ADAM7: variants seen among roughly 807,000 people sequenced by gnomAD.
The protein encoded by ADAM7 is disintegrin and metalloproteinase domain-containing protein 7.
In ADAM7, 97 loss-of-function variants were observed where a neutral mutation model predicts 102.9. The ratio of observed to expected loss-of-function variants is 0.94; its 90% CI spans 0.80 to 1.12. ADAM7 has a LOEUF of 1.12. ADAM7 is among the 50% of genes most tolerant of loss of function. The pLI, the probability that ADAM7 is intolerant of heterozygous loss-of-function variation, is 0.00. For missense variants in ADAM7, 991 were observed against 908.7 expected (o/e 1.09, Z -1.16); for synonymous variants, 334 against 304.4 (o/e 1.10, Z -1.01).
In ADAM7 at chr8:24,442,539, A is replaced by G. The variant is rs1464703820; in HGVS notation, c.119A>G (p.Lys40Arg). The G allele has an allele frequency of 6.2e-7, 1 of 1,614,026 alleles. No individual in the cohort carries two copies. The highest frequency in any genetic ancestry group is 8.5e-7 in the Non-Finnish European group (1 of 1,180,010). The change falls in exon 2 of 22, where the codon AAG (lysine) becomes AGG (arginine). Residue 40 changes from lysine to arginine, a missense_variant. Coordinates refer to ENST00000175238, the MANE Select transcript of ADAM7 (RefSeq NM_003817.4). ...VRPKKLPLIQ[K>R]RDTGHTHDDD... The stretch of plus-strand genomic sequence containing the variant: ...CCTAAAAAGCTTCCTCTGATACAGA[A>G]GCGAGATACTGGACACACCCATGAT...
intron 9 of ADAM7, among the ~76,000 whole-genome samples, chr8:24,484,271 A>G (rs1187267254): frequency 6.6e-6 from 1 of 152,218 alleles, no homozygotes. Flanking sequence ...CTTAATCAAA[A>G]AAGGTAAAGA....
rs1421692863 is a variant in ADAM7, at chr8:24,489,231, A to C, written c.1164A>C (p.Thr388=). 1 of 1,613,704 alleles carries C rather than the reference A, an allele frequency of 6.2e-7. No homozygotes were observed. The highest frequency in any genetic ancestry group is 2.2e-5 in the East Asian group (1 of 44,860). The change falls in exon 12 of 22, where the codon ACA becomes ACC. Residue 388 remains threonine (T), a synonymous_variant. Coordinates refer to ENST00000175238, the MANE Select transcript of ADAM7 (RefSeq NM_003817.4). ...AGTACTTGAAGGATTATAAGCCAAC[A>C]TGCATGCTCAACATTCCATTTCCTT... ...YHQYLKDYKP[T]CMLNIPFPYN...
intron 16 of ADAM7, among the ~76,000 whole-genome samples, chr8:24,494,392 C>T (rs1820483578): frequency 1.3e-5 from 2 of 152,246 alleles, no homozygotes; most frequent in African/African-American, 4.8e-5. Context: ...AAGTGTGAAG[C>T]CTGAGGTTGA....
At chr8:24,454,789 C>T (rs1012962273) in intron 3 of ADAM7, among the ~76,000 whole-genome samples, 3 of 152,044 alleles carry the variant, frequency 2.0e-5, no homozygotes, top group Non-Finnish European at 2.9e-5. Context: ...TCCTATTCGT[C>T]CATCTTGGCT....
chr8:24,482,476 C>T (rs1017739247), intron 9 of ADAM7, among the ~76,000 whole-genome samples, 165 bp downstream of exon 9: 3 of 152,008 alleles, frequency 2.0e-5, no homozygotes, highest in East Asian at 1.9e-4. Context: ...AGCAAGGAAC[C>T]GTAGCATATA....
rs116003492 is a variant in ADAM7, at chr8:24,499,120, A to C, written c.1843-116A>C. The stretch of plus-strand genomic sequence containing the variant: ...CTTATAATTAAATCATGTAAATTGA[A>C]ATTTTTCATATGTAAATTACATGCA... On this transcript the variant is annotated intron_variant, in intron 16 of 21. Transcript: ENST00000175238. 3.3e-3 allele frequency: 2,355 copies of C among 720,406 alleles called. 33 individuals carry two copies. In the African/African-American group the frequency reaches 0.039, roughly 12 times the overall value. 44.6% of individuals were successfully genotyped at this position (720,406 alleles called of 1,614,324 possible). A position where few individuals can be genotyped will look rare whatever the true frequency, so the allele number is the denominator to read the frequency against.
chr8:24,456,418 T>C (rs1427010161), intron 3 of ADAM7, among the ~76,000 whole-genome samples: 1 of 152,236 alleles, frequency 6.6e-6, no homozygotes, highest in African/African-American at 2.4e-5. Context: ...CTATTGTGAA[T>C]AGTGTTGCAA....
chr8:24,493,477 T>C (rs1820441238), intron 16 of ADAM7, among the ~76,000 whole-genome samples: 1 of 118,354 alleles, frequency 8.4e-6, no homozygotes, highest in East Asian at 2.0e-4. Flanking sequence ...ACAGCAGATA[T>C]CTAATTAGAC....
At chr8:24,450,801 C>T (rs1432102324) in intron 3 of ADAM7, among the ~76,000 whole-genome samples, 8 of 151,996 alleles carry the variant, frequency 5.3e-5, no homozygotes, top group Admixed American at 5.2e-4. Context: ...ATGGATAGCT[C>T]TTATTATTTT....
At chr8:24,453,243 T>C (rs1385532407) in intron 3 of ADAM7, among the ~76,000 whole-genome samples, 1 of 151,984 alleles carries the variant, frequency 6.6e-6, no homozygotes, top group East Asian at 1.9e-4. Flanking sequence ...TCTTGCAGAG[T>C]GTTTTCCAAC....
At chr8:24,505,769 A>C in intron 20 of ADAM7, among the ~76,000 whole-genome samples, 1 of 152,152 alleles carries the variant, frequency 6.6e-6, no homozygotes, top group African/African-American at 2.4e-5. Context: ...AACTTAATTT[A>C]GGAATTTTTG....
At chr8:24,448,014 G>A (rs900343543) in intron 3 of ADAM7, among the ~76,000 whole-genome samples, 10 of 148,082 alleles carry the variant, frequency 6.8e-5, no homozygotes, top group African/African-American at 2.0e-4. Flanking sequence ...TTCTGAATCC[G>A]TCACCAGACA....
At chr8:24,498,730 A>G (rs1287455620) in intron 16 of ADAM7, among the ~76,000 whole-genome samples, 1 of 151,852 alleles carries the variant, frequency 6.6e-6, no homozygotes, top group Admixed American at 6.6e-5. Flanking sequence ...GACCAAAAAT[A>G]ACAAAACCAA....
chr8:24,492,479 C>T lies in ADAM7; in HGVS notation c.1553-16C>T, dbSNP rs376426336. 2.6e-6 allele frequency: 4 copies of T among 1,550,958 alleles called. No homozygotes were observed. The East Asian group carries it at 6.8e-5, about 26-fold the overall frequency. ...CATGCTTTATTGTTTTACTTTTATA[C>T]CATTTTTTACCCCAGAGGCAATAGA... On this transcript the variant is annotated splice_polypyrimidine_tract_variant and intron_variant, in intron 14 of 21. Transcript: ENST00000175238.
At chr8:24,470,602 T>C (rs1038609817) in intron 7 of ADAM7, among the ~76,000 whole-genome samples, 1 of 152,126 alleles carries the variant, frequency 6.6e-6, no homozygotes, top group Non-Finnish European at 1.5e-5. Context: ...AGTGGTTCCA[T>C]TAGATGATAA....
At position 24,482,196 on chromosome 8, in the gene ADAM7, C is replaced by T; in HGVS notation, c.760C>T (p.His254Tyr). 1 of 1,606,718 alleles carries T rather than the reference C, an allele frequency of 6.2e-7. No individual in the cohort carries two copies. The highest frequency in any genetic ancestry group is 8.5e-7 in the Non-Finnish European group (1 of 1,177,462). Residue 254 changes from histidine to tyrosine, a missense_variant, in exon 9 of 22, where the codon CAT (histidine) becomes TAT (tyrosine). Transcript: ENST00000175238. ...VTLVGIEIWT[H>Y]EDKIELYSNI... ...GTTGGTTGGCATTGAAATATGGACA[C>T]ATGAAGATAAAATAGAACTATATTC...
chr8:24,487,261 T>C lies in ADAM7; in HGVS notation c.1035T>C (p.His345=). 1 of 1,613,962 alleles carries C rather than the reference T, an allele frequency of 6.2e-7. No homozygotes were observed. The highest frequency in any genetic ancestry group is 8.5e-7 in the Non-Finnish European group (1 of 1,179,892). Reference sequence around the variant, plus strand: ...TGGGGCATAACCTTGGGATGCAGCATGACGAGTTCCCATGCACCTGTCCTT... The same window carrying C: ...TGGGGCATAACCTTGGGATGCAGCACGACGAGTTCCCATGCACCTGTCCTT... ...HQLGHNLGMQ[H]DEFPCTCPSG... is the part of the protein sequence containing the mutation. Residue 345 remains histidine, a synonymous_variant, in exon 11 of 22, where the codon CAT becomes CAC. Coordinates refer to ENST00000175238, the MANE Select transcript of ADAM7 (RefSeq NM_003817.4).
rs1161135687 is a variant in ADAM7 at position 24,482,303 on chromosome 8, A to G, written c.867A>G (p.Val289=). 4 of 1,608,596 alleles carry G rather than the reference A, an allele frequency of 2.5e-6. No homozygotes were observed. Among genetic ancestry groups the G allele is most frequent in the Non-Finnish European group, 3.4e-6 (4 of 1,178,484 alleles). Residue 289 remains valine, a synonymous_variant, in exon 9 of 22, where the codon GTA becomes GTG. Transcript: ENST00000175238. ...LKTRKDFDHV[V]LLSGKWLYSH... is the part of the protein sequence containing the mutation. The stretch of plus-strand genomic sequence containing the variant: ...CACGGAAGGATTTTGATCATGTTGT[A>G]TTACTCAGGTTGGTGATTGCTCTAT...
chr8:24,451,855 G>T (rs1195611608), intron 3 of ADAM7, among the ~76,000 whole-genome samples: 1 of 149,956 alleles, frequency 6.7e-6, no homozygotes, highest in South Asian at 2.2e-4. Context: ...TTGTGTCTTT[G>T]TTCTCGTTGG....
Sources: gnomAD v4.1 joint callset for allele counts (sites outside exome capture counted in the v4.1 genomes callset) on GRCh38, gnomAD v4.1.1 for gene constraint, MANE v1.5 for transcripts, NCBI Gene and HGNC (gene_info 2026-07-23, HGNC 2026-07-21) for gene names.